The following C1orf232 variants were observed in gnomAD, a reference collection of about 807,000 sequenced individuals.
The protein encoded by C1orf232 is chromosome 1 open reading frame 230.
In C1orf232, 10 loss-of-function variants were observed where a neutral mutation model predicts 12.1. The ratio of observed to expected loss-of-function variants is 0.82; its 90% CI spans 0.51 to 1.40. The LOEUF (loss-of-function observed/expected upper bound fraction) is 1.40, where lower values mean the gene tolerates loss of function less well. Ranked by LOEUF, C1orf232 falls within the 40% of genes most tolerant of loss-of-function variation. The pLI is 0.00. For missense variants in C1orf232, 88 were observed against 98.4 expected (o/e 0.89, Z 0.45); for synonymous variants, 36 against 39.8 (o/e 0.90, Z 0.36).
chr1:26,167,753 C>A (rs2088441386), intron 1 of C1orf232, among the ~76,000 whole-genome samples: 1 of 152,120 alleles, frequency 6.6e-6, no homozygotes, highest in Non-Finnish European at 1.5e-5. Flanking sequence ...TCCCAAGTGG[C>A]TGGGATTACA....
chr1:26,167,330 C>T (rs556419352), intron 1 of C1orf232, among the ~76,000 whole-genome samples: 2 of 152,310 alleles, frequency 1.3e-5, no homozygotes, highest in African/African-American at 4.8e-5. Flanking sequence ...GCTGGGACTA[C>T]AGGTGTGTGC....
intron 2 of C1orf232, 51 bp from the exon 3 acceptor site, chr1:26,165,974 A>G: frequency 8.1e-7 from 1 of 1,231,416 alleles, no homozygotes; most frequent in Non-Finnish European, 1.0e-6. Context: ...ACCTCCCAGG[A>G]CTCCACAGAA....
At chr1:26,168,374 C>A in intron 1 of C1orf232, 42 bp downstream of exon 1, 1 of 1,212,878 alleles carries the variant, frequency 8.2e-7, no homozygotes, top group Non-Finnish European at 1.0e-6. Flanking sequence ...TCCTGCTGCC[C>A]CTCTGCACAT....
chr1:26,165,348 G>T (rs932861274), intron 3 of C1orf232, among the ~76,000 whole-genome samples: 9 of 152,084 alleles, frequency 5.9e-5, no homozygotes, highest in South Asian at 2.1e-4. Context: ...CAAGCTGCAG[G>T]GCCCTGGGGG....
At chr1:26,165,304 C>T (rs543320419) in intron 3 of C1orf232, among the ~76,000 whole-genome samples, 1 of 152,174 alleles carries the variant, frequency 6.6e-6, no homozygotes, top group African/African-American at 2.4e-5. Flanking sequence ...TAATCCTTGG[C>T]CTCAAAGACC....
At chr1:26,168,181 G>A (rs991396576) in intron 1 of C1orf232, among the ~76,000 whole-genome samples, 7 of 152,082 alleles carry the variant, frequency 4.6e-5, no homozygotes, top group Middle Eastern at 3.2e-3. Flanking sequence ...TGGCAGCCTC[G>A]AGATCTTTGG....
In C1orf232 at chr1:26,164,217, A is replaced by G. The variant is rs933908577; in HGVS notation, c.505T>C (p.Phe169Leu). The change falls in exon 4 of 4, where the codon TTC becomes CTC. Residue 169 changes from phenylalanine (F) to leucine (L), a missense_variant. Phe to Leu is a conservative substitution (Grantham distance 22). Transcript: ENST00000634842. The surrounding 1 kb of genome is among the most constrained non-coding windows in gnomAD (Gnocchi z 4.2). ...AEPVAGFKWGFLTHKLAEMRV... is the reference protein window; with the variant it reads ...AEPVAGFKWGLLTHKLAEMRV... Reference sequence around the variant, plus strand: ...ATCTCGGCCAGTTTGTGAGTGAGGAAGCCCCACTTGAAGCCGGCCACCGGC... The same window carrying G: ...ATCTCGGCCAGTTTGTGAGTGAGGAGGCCCCACTTGAAGCCGGCCACCGGC... 3.8e-5 allele frequency: 15 copies of G among 398,464 alleles called. No homozygotes were observed. Among genetic ancestry groups the G allele is most frequent in the Middle Eastern group, 6.3e-4 (1 of 1,588 alleles). 24.7% of individuals were successfully genotyped at this position (398,464 alleles called of 1,614,324 possible). A position where few individuals can be genotyped will look rare whatever the true frequency, so the allele number is the denominator to read the frequency against.
rs1569856609 is a variant in C1orf232, at chr1:26,166,240, C to T, written c.85-122G>A. Reference sequence around the variant, plus strand: ...CAAATCCCACAGAACTAAACACACACCTATACACTCCACAGATCCACAAGG... The same window carrying T: ...CAAATCCCACAGAACTAAACACACATCTATACACTCCACAGATCCACAAGG... On this transcript the variant is annotated intron_variant, in intron 1 of 3. Coordinates refer to ENST00000634842, the MANE Select transcript of C1orf232 (RefSeq NM_001364669.2). 6 of 553,332 alleles carry T rather than the reference C, an allele frequency of 1.1e-5. No homozygotes were observed. The Admixed American group carries it at 1.3e-4, about 12-fold the overall frequency. The allele number at this position is 553,332 out of a possible 1,614,324, so 34.3% of individuals were successfully genotyped here.
rs1449926193 is a variant in C1orf232, at chr1:26,164,269, TGCGGCCTCCTCC to T, written c.441_452del (p.Glu149_Glu152del). On this transcript the variant is annotated inframe_deletion, in exon 4 of 4. Transcript: ENST00000634842. This position sits in a 1 kb window ranked among gnomAD's most constrained non-coding sequence, Gnocchi z 4.2. ...CGGCCTCCTGCGACTCGGGGCGCTCTGCGGCCTCCTCCGCGGCCTCGTCCGCGGGTTCGGGGT... is the reference window on the plus strand; with the variant it reads ...CGGCCTCCTGCGACTCGGGGCGCTCTGCGGCCTCGTCCGCGGGTTCGGGGT... 3 of 398,252 alleles carry T rather than the reference TGCGGCCTCCTCC, an allele frequency of 7.5e-6. No homozygotes were observed. Among genetic ancestry groups the T allele is most frequent in the African/African-American group, 6.2e-5 (3 of 48,618 alleles). The allele number at this position is 398,252 out of a possible 1,614,324, so 24.7% of individuals were successfully genotyped here.
Position 26,168,381 on chromosome 1 carries a change from A to T in C1orf232, c.84+35T>A, listed in dbSNP as rs891834403. ...CTGCTCATTCCTGCTGCCCCTCTGC[A>T]CATGCTCCACCCACCATGCATGGAT... On this transcript the variant is annotated intron_variant, in intron 1 of 3. Coordinates refer to ENST00000634842, the MANE Select transcript of C1orf232 (RefSeq NM_001364669.2). The T allele has an allele frequency of 2.2e-5, 27 of 1,221,328 alleles. No homozygotes were observed. The African/African-American group carries it at 3.9e-4, about 18-fold the overall frequency. 75.7% of individuals were successfully genotyped at this position (1,221,328 alleles called of 1,614,324 possible). A position where few individuals can be genotyped will look rare whatever the true frequency, so the allele number is the denominator to read the frequency against.
chr1:26,166,641 C>T (rs1232198743), intron 1 of C1orf232, among the ~76,000 whole-genome samples: 1 of 152,202 alleles, frequency 6.6e-6, no homozygotes, highest in South Asian at 2.1e-4. Context: ...GCACACATAC[C>T]TGCCCACCAC....
chr1:26,164,625 A>T lies in C1orf232; in HGVS notation c.267-170T>A, dbSNP rs544122876. Among the ~76,000 whole-genome samples the T allele has an allele frequency of 9.8e-4, 145 of 148,582 alleles. No homozygotes were observed. Among genetic ancestry groups the T allele is most frequent in the African/African-American group, 3.6e-3 (142 of 39,944 alleles). On this transcript the variant is annotated intron_variant, in intron 3 of 3. Transcript: ENST00000634842. This position sits in a 1 kb window ranked among gnomAD's most constrained non-coding sequence, Gnocchi z 4.2. ...GGGGACCGGGACGAGGAGGAGGGTCAGGGCCTGGAGGCAAGGGGAGGGCTC... is the reference window on the plus strand; with the variant it reads ...GGGGACCGGGACGAGGAGGAGGGTCTGGGCCTGGAGGCAAGGGGAGGGCTC...
chr1:26,166,846 G>T (rs892843904), intron 1 of C1orf232, among the ~76,000 whole-genome samples: 1 of 152,118 alleles, frequency 6.6e-6, no homozygotes, highest in Non-Finnish European at 1.5e-5. Flanking sequence ...ACCACAGACA[G>T]CTGCACAGAG....
chr1:26,167,308 T>G (rs1367327226), intron 1 of C1orf232, among the ~76,000 whole-genome samples: 1 of 152,206 alleles, frequency 6.6e-6, no homozygotes, highest in Non-Finnish European at 1.5e-5. Context: ...TCCACCCGCC[T>G]CAGCCTGAGT....
At chr1:26,165,150 G>A (rs534760183) in intron 3 of C1orf232, among the ~76,000 whole-genome samples, 1 of 151,974 alleles carries the variant, frequency 6.6e-6, no homozygotes, top group South Asian at 2.1e-4. Context: ...GGGCGGGAGA[G>A]GCTGATGGGT....
rs1557611539 is a variant in C1orf232, at chr1:26,164,523, CGGA to C, written c.267-71_267-69del. The C allele has an allele frequency of 1.4e-5, 5 of 368,920 alleles. No individual in the cohort carries two copies. The highest frequency in any genetic ancestry group is 4.6e-5 in the Admixed American group (1 of 21,624). 22.9% of individuals were successfully genotyped at this position (368,920 alleles called of 1,614,324 possible). A position where few individuals can be genotyped will look rare whatever the true frequency, so the allele number is the denominator to read the frequency against. On this transcript the variant is annotated intron_variant, in intron 3 of 3. Coordinates refer to ENST00000634842, the MANE Select transcript of C1orf232 (RefSeq NM_001364669.2). This position sits in a 1 kb window ranked among gnomAD's most constrained non-coding sequence, Gnocchi z 4.2. ...CGCGGAGGAACATCGGCTGGGCTGA[CGGA>C]GGAGTTTAGTGGGGCCGGGGGAACC...
Position 26,164,204 on chromosome 1 carries a change from TTG to T in C1orf232, c.516_517del (p.His172GlnfsTer14), listed in dbSNP as rs2088397656. On this transcript the variant is annotated frameshift_variant, in exon 4 of 4. Transcript: ENST00000634842. LOFTEE classifies it high-confidence loss of function. The surrounding 1 kb of genome is among the most constrained non-coding windows in gnomAD (Gnocchi z 4.2). ...AGCCTTCACCCTCATCTCGGCCAGTTTGTGAGTGAGGAAGCCCCACTTGAAGC... is the reference window on the plus strand; with the variant it reads ...AGCCTTCACCCTCATCTCGGCCAGTTTGAGTGAGGAAGCCCCACTTGAAGC... The T allele has an allele frequency of 2.5e-6, 1 of 398,268 alleles. No homozygotes were observed. The highest frequency in any genetic ancestry group is 4.4e-5 in the Admixed American group (1 of 22,718). The allele number at this position is 398,268 out of a possible 1,614,324, so 24.7% of individuals were successfully genotyped here.
At position 26,164,827 on chromosome 1, in the gene C1orf232, G is replaced by A. The variant is rs2088408100; in HGVS notation, c.267-372C>T. 6.6e-6 allele frequency among the ~76,000 whole-genome samples: 1 copy of A among 152,148 alleles called. No homozygotes were observed. The highest frequency in any genetic ancestry group is 2.4e-5 in the African/African-American group (1 of 41,428). ...GTCTGGGAAGCTGGAAGGATCCCTG[G>A]GAAAGCAGGTGGGAGCGGGAGGGCT... On this transcript the variant is annotated intron_variant, in intron 3 of 3. Coordinates refer to ENST00000634842, the MANE Select transcript of C1orf232 (RefSeq NM_001364669.2). The surrounding 1 kb of genome is among the most constrained non-coding windows in gnomAD (Gnocchi z 4.2).
chr1:26,164,221 C>T lies in C1orf232; in HGVS notation c.501G>A (p.Trp167Ter). Residue 167 changes from tryptophan to a stop codon, truncating the protein, a stop_gained, in exon 4 of 4, where the codon TGG becomes TGA. Coordinates refer to ENST00000634842, the MANE Select transcript of C1orf232 (RefSeq NM_001364669.2). LOFTEE classifies it high-confidence loss of function. The surrounding 1 kb of genome is among the most constrained non-coding windows in gnomAD (Gnocchi z 4.2). ...QEAEPVAGFK[W>*]GFLTHKLAEM... ...CGGCCAGTTTGTGAGTGAGGAAGCC[C>T]CACTTGAAGCCGGCCACCGGCTCGG... 1 of 398,512 alleles carries T rather than the reference C, an allele frequency of 2.5e-6. No individual in the cohort carries two copies. The highest frequency in any genetic ancestry group is 3.6e-5 in the East Asian group (1 of 28,064). The allele number at this position is 398,512 out of a possible 1,614,324, so 24.7% of individuals were successfully genotyped here.
Sources: allele counts gnomAD v4.1 joint callset (sites outside exome capture counted in the v4.1 genomes callset), GRCh38; gene constraint gnomAD v4.1.1; non-coding constraint Gnocchi (gnomAD v3.1); transcripts MANE v1.5; gene names NCBI Gene and HGNC (gene_info 2026-07-23, HGNC 2026-07-21).